The following RBFOX1 variants were observed in gnomAD, a reference collection of about 807,000 sequenced individuals.
RBFOX1 encodes RNA binding fox-1 homolog 1.
Under a neutral mutation model 57.7 loss-of-function variants are expected in RBFOX1, and 8 were observed. The ratio of observed to expected loss-of-function variants is 0.14; its 90% confidence interval spans 0.08 to 0.25. The LOEUF (loss-of-function observed/expected upper bound fraction) is 0.25, where lower values mean the gene tolerates loss of function less well. Among genes scored for constraint, RBFOX1 ranks in the 10% least tolerant of loss-of-function variants. The pLI is 1.00. For missense variants in RBFOX1, 611 were observed against 548.5 expected (o/e 1.11, Z -1.14); for synonymous variants, 326 against 222.4 (o/e 1.47, Z -4.15).
intron 1 of RBFOX1, among the ~76,000 whole-genome samples, chr16:6,177,603 G>A (rs963416490): frequency 5.9e-5 from 9 of 152,082 alleles, no homozygotes; most frequent in African/African-American, 1.9e-4. Flanking sequence ...CGGAAAACAA[G>A]ACCTTTTCCC....
intron 4 of RBFOX1, among the ~76,000 whole-genome samples, chr16:7,258,988 C>G (rs1452169050): frequency 6.6e-6 from 1 of 152,148 alleles, no homozygotes; most frequent in Non-Finnish European, 1.5e-5. Context: ...CCTTTCCAAG[C>G]CCTTGTATTC....
At chr16:6,782,100 G>C (rs1216658189) in intron 3 of RBFOX1, among the ~76,000 whole-genome samples, 1 of 152,040 alleles carries the variant, frequency 6.6e-6, no homozygotes, top group Non-Finnish European at 1.5e-5. Context: ...TCCGCCTCCT[G>C]GGTTCACGTG....
At chr16:5,279,250 ATTTAT>A (rs1040187974) in intron 1 of RBFOX1, among the ~76,000 whole-genome samples, 1 of 152,012 alleles carries the variant, frequency 6.6e-6, no homozygotes, top group African/African-American at 2.4e-5. Flanking sequence ...GTCCTTCTCA[ATTTAT>A]TTTATCAGTG....
intron 3 of RBFOX1, among the ~76,000 whole-genome samples, chr16:5,767,351 C>A (rs1259869259): frequency 6.6e-6 from 1 of 152,206 alleles, no homozygotes; most frequent in African/African-American, 2.4e-5. Context: ...TGGGATGCTG[C>A]CCAGAGGACC....
intron 3 of RBFOX1, among the ~76,000 whole-genome samples, chr16:6,839,205 G>A (rs555607665): frequency 4.6e-5 from 7 of 151,484 alleles, no homozygotes; most frequent in Admixed American, 1.3e-4. Context: ...GGCTGTTCTC[G>A]AATTCCTGAC....
chr16:5,799,412 T>C (rs2054987205), intron 3 of RBFOX1, among the ~76,000 whole-genome samples: 1 of 152,150 alleles, frequency 6.6e-6, no homozygotes, highest in South Asian at 2.1e-4. Flanking sequence ...CTGAAAAAAG[T>C]CGAACAATAT....
At position 7,166,972 on chromosome 16, in the gene RBFOX1, C is replaced by CTTTTTTTTTTTTTTTTTTTTTTTTTT. The variant is rs537293692; in HGVS notation, c.27+114884_27+114909dup. Reference sequence around the variant, plus strand: ...AGCCCCAGATTGCTGCATTGGTGTTCTTTTTTTTTTTTTTTTTTTTTTTTT... The same window carrying CTTTTTTTTTTTTTTTTTTTTTTTTTT: ...AGCCCCAGATTGCTGCATTGGTGTTCTTTTTTTTTTTTTTTTTTTTTTTTTTTTTTTTTTTTTTTTTTTTTTTTTTT... On this transcript the variant is annotated intron_variant, in intron 4 of 15. Transcript: ENST00000550418. Among the ~76,000 whole-genome samples, 17 of 49,112 alleles carry CTTTTTTTTTTTTTTTTTTTTTTTTTT rather than the reference C, an allele frequency of 3.5e-4. 3 individuals carry two copies. The highest frequency in any genetic ancestry group is 6.4e-4 in the East Asian group (1 of 1,552). 32.2% of individuals were successfully genotyped at this position (49,112 alleles called of 152,430 possible). A position where few individuals can be genotyped will look rare whatever the true frequency, so the allele number is the denominator to read the frequency against.
At chr16:6,911,990 G>C (rs996746278) in intron 3 of RBFOX1, among the ~76,000 whole-genome samples, 2 of 152,172 alleles carry the variant, frequency 1.3e-5, no homozygotes, top group African/African-American at 4.8e-5. Flanking sequence ...CAAGAATAAA[G>C]ATGTTAAGTA....
intron 4 of RBFOX1, among the ~76,000 whole-genome samples, chr16:7,259,679 G>T (rs1046837633): frequency 6.6e-6 from 1 of 152,114 alleles, no homozygotes; most frequent in Admixed American, 6.5e-5. Context: ...TAACTTGAGA[G>T]GTGACTGTTT....
chr16:6,624,225 T>C (rs887824632), intron 2 of RBFOX1, among the ~76,000 whole-genome samples: 2 of 152,114 alleles, frequency 1.3e-5, no homozygotes, highest in African/African-American at 4.8e-5. Context: ...TCCTAAGGAG[T>C]AAGCCAGGAA....
chr16:6,948,078 C>T (rs1211131247), intron 3 of RBFOX1, among the ~76,000 whole-genome samples: 1 of 152,076 alleles, frequency 6.6e-6, no homozygotes, highest in South Asian at 2.1e-4. Context: ...CATGGCCTGG[C>T]CTACATATTC....
chr16:5,508,609 C>G (rs1297150990), intron 2 of RBFOX1, among the ~76,000 whole-genome samples: 1 of 152,002 alleles, frequency 6.6e-6, no homozygotes. Flanking sequence ...AGTGCCACAC[C>G]CAAGATGTTG....
intron 1 of RBFOX1, among the ~76,000 whole-genome samples, chr16:6,263,095 G>A (rs2097711008): frequency 1.3e-5 from 2 of 152,178 alleles, no homozygotes; most frequent in African/African-American, 4.8e-5. Flanking sequence ...AAAGTTTGGT[G>A]TGTTTAGGAG....
chr16:6,668,841 A>T (rs1445543072), intron 3 of RBFOX1, among the ~76,000 whole-genome samples: 1 of 152,128 alleles, frequency 6.6e-6, no homozygotes, highest in Non-Finnish European at 1.5e-5. Context: ...TTTTTAGCAA[A>T]CTTCTTTCTT....
chr16:6,831,405 A>G (rs556724986), intron 3 of RBFOX1, among the ~76,000 whole-genome samples: 39 of 152,298 alleles, frequency 2.6e-4, no homozygotes, highest in African/African-American at 8.7e-4. Context: ...ACCTATGCAA[A>G]AAACAGGAAT....
At chr16:6,735,741 T>C (rs958636834) in intron 3 of RBFOX1, among the ~76,000 whole-genome samples, 10 of 151,986 alleles carry the variant, frequency 6.6e-5, no homozygotes, top group Non-Finnish European at 7.4e-5. Flanking sequence ...AGTGCAGGAG[T>C]CTACCATGAT....
intron 1 of RBFOX1, among the ~76,000 whole-genome samples, chr16:6,121,041 T>C (rs2096545067): frequency 6.6e-6 from 1 of 152,246 alleles, no homozygotes. Flanking sequence ...TACTTTATGA[T>C]TTATTCATGT....
chr16:7,332,388 A>C (rs1414738847), intron 4 of RBFOX1, among the ~76,000 whole-genome samples: 2 of 152,206 alleles, frequency 1.3e-5, no homozygotes, highest in Non-Finnish European at 2.9e-5. Context: ...CTTATTTACA[A>C]ATTGCCACTT....
intron 3 of RBFOX1, among the ~76,000 whole-genome samples, chr16:5,741,022 A>T (rs12051175): frequency 5.3e-5 from 8 of 151,900 alleles, no homozygotes; most frequent in Non-Finnish European, 1.2e-4. Flanking sequence ...AAAAATGTCT[A>T]TGTCTTGGTA....
Sources: gnomAD v4.1 joint callset for allele counts (sites outside exome capture counted in the v4.1 genomes callset) on GRCh38, gnomAD v4.1.1 for gene constraint, MANE v1.5 for transcripts, NCBI Gene and HGNC (gene_info 2026-07-23, HGNC 2026-07-21) for gene names.